Variants in FNTB observed in about 807,000 individuals in gnomAD.
FNTB encodes protein farnesyltransferase subunit beta.
FNTB carries 27 observed loss-of-function variants against 59.4 expected under a neutral mutation model. The observed-to-expected ratio is 0.45, with a 90% CI of 0.34 to 0.63. The LOEUF (loss-of-function observed/expected upper bound fraction) is 0.63. Ranked by LOEUF, FNTB falls within the 20% of genes least tolerant of loss-of-function variation. The pLI, the probability that FNTB is intolerant of heterozygous loss-of-function variation, is 0.02. For synonymous variants in FNTB, 230 were observed against 220.7 expected (o/e 1.04, Z -0.37); for missense variants, 449 against 559.6 (o/e 0.80, Z 1.99).
At position 65,030,554 on chromosome 14, in the gene FNTB, C is replaced by T. The variant is rs957800903; in HGVS notation, c.606-2056C>T. Among the ~76,000 whole-genome samples, 2 of 152,024 alleles carry T rather than the reference C, an allele frequency of 1.3e-5. No individual in the cohort carries two copies. Among genetic ancestry groups the T allele is most frequent in the Admixed American group, 1.3e-4 (2 of 15,260 alleles). Reference sequence around the variant, plus strand: ...AGGAGTTCAAGACCAACCTGGGTAACACAGCAAGACCCTGTCTCTACAAAA... The same window carrying T: ...AGGAGTTCAAGACCAACCTGGGTAATACAGCAAGACCCTGTCTCTACAAAA... On this transcript the variant is annotated intron_variant, in intron 6 of 11. Transcript: ENST00000246166. This position sits in a 1 kb window ranked among gnomAD's most constrained non-coding sequence, Gnocchi z 4.5.
At chr14:65,050,740 G>T (rs1263287421) in intron 9 of FNTB, among the ~76,000 whole-genome samples, 2 of 152,144 alleles carry the variant, frequency 1.3e-5, no homozygotes, top group African/African-American at 4.8e-5. Context: ...ACTCCACAGG[G>T]ATTGTGCTGA....
In FNTB at chr14:65,027,204, G is replaced by A. The variant is rs983926738; in HGVS notation, c.375-249G>A. ...CGAAAGTCGGTTTCTTCCCAGCCTT[G>A]TGTTCCCTGCTTCATGACCAACAAG... On this transcript the variant is annotated intron_variant, in intron 4 of 11. Coordinates refer to ENST00000246166, the MANE Select transcript of FNTB (RefSeq NM_002028.4). This position sits in a 1 kb window ranked among gnomAD's most constrained non-coding sequence, Gnocchi z 5.7. 2.0e-5 allele frequency among the ~76,000 whole-genome samples: 3 copies of A among 152,212 alleles called. No individual in the cohort carries two copies. Among genetic ancestry groups the A allele is most frequent in the African/African-American group, 7.2e-5 (3 of 41,456 alleles).
intron 4 of FNTB, chr14:65,016,362 C>G (rs1441530980): frequency 6.6e-6 from 1 of 152,244 alleles, no homozygotes; most frequent in East Asian, 1.9e-4. Context: ...AAAGACTGAT[C>G]ATGACTCCAG....
chr14:65,057,010 C>T (rs1027355790), intron 11 of FNTB, among the ~76,000 whole-genome samples: 4 of 152,200 alleles, frequency 2.6e-5, no homozygotes, highest in Non-Finnish European at 5.9e-5. Context: ...GGCTTTATAA[C>T]AGCCTACCCT....
In FNTB at chr14:65,027,546, A is replaced by C. The variant is rs758129236; in HGVS notation, c.468A>C (p.Ala156=). 1 of 1,614,250 alleles carries C rather than the reference A, an allele frequency of 6.2e-7. No individual in the cohort carries two copies. The highest frequency in any genetic ancestry group is 8.5e-7 in the Non-Finnish European group (1 of 1,180,044). ...QYPHLAPTYA[A]VNALCIIGTE... is the part of the protein sequence containing the mutation. ...CACACCTTGCACCCACATATGCAGCAGTCAATGCATTGTGCATCATTGGCA... is the reference window on the plus strand; with the variant it reads ...CACACCTTGCACCCACATATGCAGCCGTCAATGCATTGTGCATCATTGGCA... Residue 156 remains alanine, a synonymous_variant, in exon 5 of 12, where the codon GCA becomes GCC. Transcript: ENST00000246166. The surrounding 1 kb of genome is among the most constrained non-coding windows in gnomAD (Gnocchi z 5.7).
At chr14:65,058,984 A>G (rs925968354) in intron 11 of FNTB, among the ~76,000 whole-genome samples, 4 of 152,080 alleles carry the variant, frequency 2.6e-5, no homozygotes, top group Non-Finnish European at 4.4e-5. Flanking sequence ...AGCCTCATAA[A>G]ATTAAATGGG....
chr14:65,037,039 T>C (rs2062208337), intron 7 of FNTB, among the ~76,000 whole-genome samples: 1 of 152,178 alleles, frequency 6.6e-6, no homozygotes, highest in Non-Finnish European at 1.5e-5. Context: ...TATACTTTAG[T>C]ACCAAGATTC....
chr14:65,021,873 T>G (rs141927811), intron 4 of FNTB: 1 of 451,556 alleles, frequency 2.2e-6, no homozygotes, highest in East Asian at 7.0e-5. Flanking sequence ...CTCAAACTCC[T>G]GGCCTTAAGT....
chr14:65,052,306 C>T (rs770887111), intron 9 of FNTB, among the ~76,000 whole-genome samples: 3 of 151,978 alleles, frequency 2.0e-5, no homozygotes, highest in East Asian at 1.9e-4. Context: ...GGTAGAAAAA[C>T]GCATAGAACC....
chr14:65,052,991 T>A (rs2062648125), intron 9 of FNTB, among the ~76,000 whole-genome samples: 1 of 152,192 alleles, frequency 6.6e-6, no homozygotes, highest in Non-Finnish European at 1.5e-5. Context: ...CCATCCACGT[T>A]AACAGGGTGC....
intron 1 of FNTB, among the ~76,000 whole-genome samples, chr14:64,989,870 A>G (rs1888121977): frequency 6.6e-6 from 1 of 152,336 alleles, no homozygotes; most frequent in African/African-American, 2.4e-5. Flanking sequence ...TAAAATGTTA[A>G]TTAGAAACGC....
At chr14:65,056,577 T>C (rs28886684) in intron 11 of FNTB, among the ~76,000 whole-genome samples, 35,288 of 152,154 alleles carry the variant, frequency 0.23, 7,541 homozygotes, top group African/African-American at 0.57. Context: ...TGATTACTGG[T>C]GAGGTTGAGA....
intron 4 of FNTB, among the ~76,000 whole-genome samples, chr14:65,026,867 A>T (rs2061991724): frequency 6.6e-6 from 1 of 152,100 alleles, no homozygotes. Flanking sequence ...GCCTCAAAAA[A>T]AAAAACAAAA....
In FNTB at chr14:65,023,286, T is replaced by A. The variant is rs2061920821; in HGVS notation, c.375-4167T>A. The stretch of plus-strand genomic sequence containing the variant: ...GTTGCCCAGGCTGGCCTTGAACTCC[T>A]GAGCTCAAGTGATCCCCCTCACCTC... On this transcript the variant is annotated intron_variant, in intron 4 of 11. Coordinates refer to ENST00000246166, the MANE Select transcript of FNTB (RefSeq NM_002028.4). This position sits in a 1 kb window ranked among gnomAD's most constrained non-coding sequence, Gnocchi z 4.1. Among the ~76,000 whole-genome samples the A allele has an allele frequency of 6.6e-6, 1 of 152,116 alleles. No individual in the cohort carries two copies. Among genetic ancestry groups the A allele is most frequent in the African/African-American group, 2.4e-5 (1 of 41,438 alleles).
At chr14:65,042,853 T>C (rs1490637793) in intron 8 of FNTB, among the ~76,000 whole-genome samples, 1 of 152,210 alleles carries the variant, frequency 6.6e-6, no homozygotes, top group Admixed American at 6.5e-5. Context: ...CTTAGCCCAC[T>C]TCCATTACAT....
intron 11 of FNTB, among the ~76,000 whole-genome samples, chr14:65,056,399 G>A (rs1160698780): frequency 1.3e-5 from 2 of 152,170 alleles, no homozygotes; most frequent in South Asian, 2.1e-4. Context: ...AATGTCTCCA[G>A]GAGGGGACCT....
chr14:65,056,816 A>G (rs530228482), intron 11 of FNTB, among the ~76,000 whole-genome samples: 2 of 152,220 alleles, frequency 1.3e-5, no homozygotes, highest in African/African-American at 4.8e-5. Context: ...TTGCATTGCT[A>G]TAAGAGAATA....
chr14:65,005,792 C>G (rs1435217353), intron 2 of FNTB, among the ~76,000 whole-genome samples: 1 of 152,046 alleles, frequency 6.6e-6, no homozygotes, highest in Non-Finnish European at 1.5e-5. Flanking sequence ...ATCACTATGC[C>G]TAGCTTATTT....
chr14:65,020,293 G>C (rs1212829889), intron 4 of FNTB, among the ~76,000 whole-genome samples: 1 of 152,176 alleles, frequency 6.6e-6, no homozygotes, highest in African/African-American at 2.4e-5. Context: ...CTTTATTTTT[G>C]GTAGAGACAG....
Sources: allele counts gnomAD v4.1 joint callset (sites outside exome capture counted in the v4.1 genomes callset), GRCh38; gene constraint gnomAD v4.1.1; non-coding constraint Gnocchi (gnomAD v3.1); transcripts MANE v1.5; gene names NCBI Gene and HGNC (gene_info 2026-07-23, HGNC 2026-07-21).